The following APBB1IP variants were observed in gnomAD, a reference collection of about 807,000 sequenced individuals.
APBB1IP encodes the protein amyloid beta A4 precursor protein-binding family B member 1-interacting protein.
In APBB1IP, 27 loss-of-function variants were observed where a neutral mutation model predicts 64.9. That is an observed-to-expected ratio of 0.42 (90% confidence interval 0.31 to 0.57). The LOEUF is 0.57. Ranked by LOEUF, APBB1IP falls within the 20% of genes least tolerant of loss-of-function variation. The pLI is 0.20. For missense variants in APBB1IP, 812 were observed against 845.5 expected (o/e 0.96, Z 0.49); for synonymous variants, 392 against 331.0 (o/e 1.18, Z -2.00).
intron 2 of APBB1IP, among the ~76,000 whole-genome samples, chr10:26,445,358 AT>A (rs552584390): frequency 2.4e-4 from 36 of 152,294 alleles, no homozygotes; most frequent in Middle Eastern, 3.4e-3. Flanking sequence ...AATGGAAATT[AT>A]TTTTGAGAAG....
At chr10:26,492,088 G>C (rs1246086530) in intron 2 of APBB1IP, among the ~76,000 whole-genome samples, 1 of 152,070 alleles carries the variant, frequency 6.6e-6, no homozygotes, top group African/African-American at 2.4e-5. Context: ...GTTTAGCCTG[G>C]AAAAATTCAA....
intron 2 of APBB1IP, among the ~76,000 whole-genome samples, chr10:26,483,095 A>T (rs971625498): frequency 3.9e-5 from 5 of 129,328 alleles, no homozygotes; most frequent in African/African-American, 1.7e-4. Context: ...CATCTGATAA[A>T]AAAAAAAAAA....
intron 8 of APBB1IP, among the ~76,000 whole-genome samples, chr10:26,530,412 C>A (rs1326663975): frequency 6.6e-6 from 1 of 151,804 alleles, no homozygotes; most frequent in Non-Finnish European, 1.5e-5. Flanking sequence ...AATAACTTGG[C>A]CAGGTATGGT....
intron 10 of APBB1IP, among the ~76,000 whole-genome samples, chr10:26,539,228 T>C (rs573741852): frequency 4.0e-5 from 6 of 151,860 alleles, no homozygotes; most frequent in African/African-American, 1.2e-4. Context: ...CTGAGAAACA[T>C]AGGGAGACCC....
intron 14 of APBB1IP, 62 bp downstream of exon 14, chr10:26,562,491 T>C (rs1836986518): frequency 2.2e-6 from 3 of 1,386,482 alleles, no homozygotes; most frequent in Admixed American, 3.4e-5. Context: ...ATTATTCCAG[T>C]AACTGCTCTT....
chr10:26,468,894 T>C (rs1589195329), intron 2 of APBB1IP, among the ~76,000 whole-genome samples: 1 of 152,280 alleles, frequency 6.6e-6, no homozygotes, highest in East Asian at 1.9e-4. Context: ...AGGACAGTCG[T>C]GTCCCCACAG....
intron 2 of APBB1IP, among the ~76,000 whole-genome samples, chr10:26,467,852 A>G (rs1173503037): frequency 1.3e-5 from 2 of 152,218 alleles, no homozygotes; most frequent in Non-Finnish European, 2.9e-5. Context: ...AAATTACTCA[A>G]CTATGCAAAC....
intron 5 of APBB1IP, 99 bp from the exon 6 acceptor site, chr10:26,503,098 T>G (rs1312540709): frequency 5.4e-6 from 6 of 1,120,290 alleles, no homozygotes; most frequent in Middle Eastern, 2.1e-4. Flanking sequence ...TGGTACCTTT[T>G]GTTAATACAA....
At chr10:26,553,241 C>A (rs1421789701) in intron 11 of APBB1IP, among the ~76,000 whole-genome samples, 3 of 151,940 alleles carry the variant, frequency 2.0e-5, no homozygotes, top group East Asian at 3.9e-4. Flanking sequence ...AGGCTGGTCT[C>A]GAACCCCTGA....
intron 6 of APBB1IP, among the ~76,000 whole-genome samples, chr10:26,509,196 C>T (rs569526096): frequency 2.7e-4 from 41 of 152,278 alleles, no homozygotes; most frequent in African/African-American, 9.6e-4. Flanking sequence ...TTGACACCTA[C>T]CATTTATAGT....
At chr10:26,557,146 G>A (rs965997502) in intron 11 of APBB1IP, among the ~76,000 whole-genome samples, 19 of 152,190 alleles carry the variant, frequency 1.2e-4, no homozygotes, top group African/African-American at 4.1e-4. Context: ...CTCCAAAGAG[G>A]ATCATTATTG....
intron 2 of APBB1IP, among the ~76,000 whole-genome samples, chr10:26,443,747 G>T (rs1165214914): frequency 2.0e-5 from 3 of 151,854 alleles, no homozygotes; most frequent in African/African-American, 7.3e-5. Context: ...TTGTTGCCCA[G>T]GCTGGTCTCG....
chr10:26,517,502 C>T (rs545892229), intron 8 of APBB1IP, among the ~76,000 whole-genome samples: 2 of 152,246 alleles, frequency 1.3e-5, no homozygotes, highest in Non-Finnish European at 2.9e-5. Flanking sequence ...TGCAGTGGCA[C>T]GATCTTGGCT....
In APBB1IP at chr10:26,511,750, G is replaced by T; in HGVS notation, c.535G>T (p.Val179Phe). 1.2e-6 allele frequency: 2 copies of T among 1,614,026 alleles called. No individual in the cohort carries two copies. Among genetic ancestry groups the T allele is most frequent in the Non-Finnish European group, 1.7e-6 (2 of 1,179,964 alleles). The change falls in exon 7 of 15, where the codon GTC becomes TTC. Residue 179 changes from valine to phenylalanine, a missense_variant. Physicochemically the swap from Val to Phe is conservative, Grantham distance 50. Transcript: ENST00000376236. ...KLKEAKVKKL[V>F]VKVHMNDNST... ...TGCCCCATGGTTCTATCCTCAGCTC[G>T]TCGTCAAGGTGCACATGAATGATAA...
intron 4 of APBB1IP, among the ~76,000 whole-genome samples, chr10:26,496,801 AT>A (rs1246591984): frequency 6.6e-6 from 1 of 150,532 alleles, no homozygotes; most frequent in Non-Finnish European, 1.5e-5. Flanking sequence ...TATTTAAAAT[AT>A]TTTTTAATTT....
At chr10:26,478,862 C>CTTACACAATCTTACACAA (rs1835805639) in intron 2 of APBB1IP, among the ~76,000 whole-genome samples, 1 of 151,812 alleles carries the variant, frequency 6.6e-6, no homozygotes, top group Admixed American at 6.6e-5. Flanking sequence ...TTTTGGGAGG[C>CTTACACAATCTTACACAA]TCCCTTTTAA....
rs1394608531 is a variant in APBB1IP, at chr10:26,562,369, G to C, written c.1413G>C (p.Gln471His). 1.2e-6 allele frequency: 2 copies of C among 1,613,824 alleles called. No individual in the cohort carries two copies. Among genetic ancestry groups the C allele is most frequent in the Non-Finnish European group, 1.7e-6 (2 of 1,179,940 alleles). ...GTTQPNGQIP[Q>H]ATHSVSAVLQ... Reference sequence around the variant, plus strand: ...CCCAGCCCAATGGACAGATTCCCCAGGCTACACATTCTGTCAGTGCTGTTC... The same window carrying C: ...CCCAGCCCAATGGACAGATTCCCCACGCTACACATTCTGTCAGTGCTGTTC... Residue 471 changes from glutamine (Q) to histidine (H), a missense_variant, in exon 14 of 15, where the codon CAG becomes CAC. This residue lies in a region of APBB1IP where 381 missense variants were observed against 352.1 expected (regional missense o/e 1.08). Transcript: ENST00000376236.
At chr10:26,541,083 C>T (rs1836690788) in intron 10 of APBB1IP, among the ~76,000 whole-genome samples, 1 of 152,070 alleles carries the variant, frequency 6.6e-6, no homozygotes, top group Middle Eastern at 3.4e-3. Context: ...TCTGGGAGTC[C>T]CCAGACAGGC....
At chr10:26,456,963 T>C (rs1410957760) in intron 2 of APBB1IP, among the ~76,000 whole-genome samples, 1 of 152,104 alleles carries the variant, frequency 6.6e-6, no homozygotes, top group Non-Finnish European at 1.5e-5. Flanking sequence ...AAACTGATCA[T>C]ATTTGGGACT....
Sources: allele counts gnomAD v4.1 joint callset (sites outside exome capture counted in the v4.1 genomes callset), GRCh38; gene constraint gnomAD v4.1.1; regional missense constraint gnomAD v4.1.1; transcripts MANE v1.5; gene names NCBI Gene and HGNC (gene_info 2026-07-23, HGNC 2026-07-21).